The following LRRC75B variants were observed in gnomAD, a reference collection of about 807,000 sequenced individuals.
LRRC75B encodes leucine-rich repeat-containing protein 75B.
Under a neutral mutation model 16.5 loss-of-function variants are expected in LRRC75B, and 20 were observed. That is an observed-to-expected ratio of 1.21 (90% CI 0.85 to 1.76). The LOEUF (loss-of-function observed/expected upper bound fraction) is 1.76. LRRC75B is among the 40% of genes most tolerant of loss of function. The pLI, the probability that LRRC75B is intolerant of heterozygous loss-of-function variation, is 0.00. For missense variants in LRRC75B, 406 were observed against 417.0 expected (o/e 0.97, Z 0.23); for synonymous variants, 199 against 198.1 (o/e 1.00, Z -0.04).
chr22:24,590,821 A>G (rs144607085), intron 1 of LRRC75B, among the ~76,000 whole-genome samples: 3,575 of 152,086 alleles, frequency 0.024, 56 homozygotes, highest in Non-Finnish European at 0.036. Context: ...GGGCACCTCC[A>G]TGACCATCTT....
chr22:24,586,495 C>T lies in LRRC75B; in HGVS notation c.423-84G>A, dbSNP rs2045397565. On this transcript the variant is annotated intron_variant, in intron 3 of 3. Coordinates refer to ENST00000318753, the MANE Select transcript of LRRC75B (RefSeq NM_207644.3). Reference sequence around the variant, plus strand: ...ACAGACAGTGACCTGTCGGGAACAGCCCAGGCCTACAGTCTGGCAAAGCCA... The same window carrying T: ...ACAGACAGTGACCTGTCGGGAACAGTCCAGGCCTACAGTCTGGCAAAGCCA... 8.7e-6 allele frequency: 12 copies of T among 1,385,986 alleles called. No homozygotes were observed. The South Asian group carries it at 1.1e-4, about 12-fold the overall frequency. The allele number at this position is 1,385,986 out of a possible 1,614,324, so 85.9% of individuals were successfully genotyped here.
In LRRC75B at chr22:24,585,873, G is replaced by T. The variant is rs764228617; in HGVS notation, c.*13C>A. The T allele has an allele frequency of 6.4e-7, 1 of 1,565,036 alleles. No individual in the cohort carries two copies. Among genetic ancestry groups the T allele is most frequent in the Non-Finnish European group, 8.6e-7 (1 of 1,157,302 alleles). On this transcript the variant is annotated 3_prime_UTR_variant, in exon 4 of 4. Transcript: ENST00000318753. ...ATCACAAGTCAGTAGCAATGAGCCA[G>T]GTGGGTGGTGGGTCACCTGGCACAG...
chr22:24,588,221 G>T lies in LRRC75B; in HGVS notation c.415C>A (p.Gln139Lys), dbSNP rs200556022. ...TGGCTGGGCTACCCTTACCAGCTCT[G>T]GGTCTTCCTCTGGCGCAGGCTGGAC... is the stretch of plus-strand genomic sequence containing the variant. ...QGSSLRQRKTQSCLKSSLQKT... is the reference protein window; with the variant it reads ...QGSSLRQRKTKSCLKSSLQKT... The change falls in exon 3 of 4, where the codon CAG becomes AAG. Residue 139 changes from glutamine (Q) to lysine (K), a missense_variant. Coordinates refer to ENST00000318753, the MANE Select transcript of LRRC75B (RefSeq NM_207644.3). The T allele has an allele frequency of 6.2e-7, 1 of 1,612,228 alleles. No individual in the cohort carries two copies. The highest frequency in any genetic ancestry group is 2.2e-5 in the East Asian group (1 of 44,870).
intron 1 of LRRC75B, among the ~76,000 whole-genome samples, chr22:24,590,641 C>T (rs1410113739): frequency 1.3e-5 from 2 of 152,252 alleles, no homozygotes; most frequent in East Asian, 3.9e-4. Flanking sequence ...CCCAGTGTTC[C>T]CTTCAGATCC....
At chr22:24,590,435 T>C (rs774652870) in intron 1 of LRRC75B, among the ~76,000 whole-genome samples, 1 of 152,050 alleles carries the variant, frequency 6.6e-6, no homozygotes, top group African/African-American at 2.4e-5. Context: ...TTTGGATAAG[T>C]AGAGGGGAGG....
At chr22:24,587,216 TAG>T (rs886430068) in intron 3 of LRRC75B, among the ~76,000 whole-genome samples, 3 of 152,034 alleles carry the variant, frequency 2.0e-5, no homozygotes, top group Non-Finnish European at 4.4e-5. Context: ...GCACCGGGGA[TAG>T]AGAGGGACAG....
At chr22:24,589,079 G>T in intron 2 of LRRC75B, 1 of 1,068,632 alleles carries the variant, frequency 9.4e-7, no homozygotes. Flanking sequence ...AGTCCTAGGG[G>T]CCGACTGTGC....
chr22:24,587,712 A>G (rs1179525503), intron 3 of LRRC75B, among the ~76,000 whole-genome samples: 1 of 152,218 alleles, frequency 6.6e-6, no homozygotes, highest in Non-Finnish European at 1.5e-5. Context: ...CGGAAGCCTC[A>G]GTTTTAGGCA....
chr22:24,587,560 C>T (rs1438982341), intron 3 of LRRC75B, among the ~76,000 whole-genome samples: 2 of 152,038 alleles, frequency 1.3e-5, no homozygotes, highest in Non-Finnish European at 2.9e-5. Context: ...AGGGTAAGCT[C>T]CCGGCAGCAG....
rs190248870 is a variant in LRRC75B, at chr22:24,589,032, C to T, written c.307-703G>A. On this transcript the variant is annotated intron_variant, in intron 2 of 3. Coordinates refer to ENST00000318753, the MANE Select transcript of LRRC75B (RefSeq NM_207644.3). ...GGCAGCACACACAGCAGCTGCAAGC[C>T]CTGGCTGTTCCTGTGATGGCCGTGG... The T allele has an allele frequency of 5.0e-3, 5,091 of 1,022,092 alleles. 19 individuals are homozygous for T. Among genetic ancestry groups the T allele is most frequent in the Non-Finnish European group, 5.8e-3 (4,908 of 850,208 alleles). 63.3% of individuals were successfully genotyped at this position (1,022,092 alleles called of 1,614,324 possible).
chr22:24,591,187 C>A (rs1178104203), intron 1 of LRRC75B, among the ~76,000 whole-genome samples: 1 of 152,276 alleles, frequency 6.6e-6, no homozygotes, highest in African/African-American at 2.4e-5. Context: ...TCAAGCAATT[C>A]TCCTGCCTCA....
In LRRC75B at chr22:24,585,827, C is replaced by G. The variant is rs764608043; in HGVS notation, c.*59G>C. 329 of 1,447,828 alleles carry G rather than the reference C, an allele frequency of 2.3e-4. No homozygotes were observed. The highest frequency in any genetic ancestry group is 2.9e-4 in the Non-Finnish European group (313 of 1,090,546). 89.7% of individuals were successfully genotyped at this position (1,447,828 alleles called of 1,614,324 possible). ...TGAGTCCTCCTTGACCTTCATCGCC[C>G]ACTATCATGTGCTTGAGAGCATCAC... is the stretch of plus-strand genomic sequence containing the variant. On this transcript the variant is annotated 3_prime_UTR_variant, in exon 4 of 4. Coordinates refer to ENST00000318753, the MANE Select transcript of LRRC75B (RefSeq NM_207644.3).
At chr22:24,592,322 T>TG (rs1468769500) in intron 1 of LRRC75B, 3 of 470,116 alleles carry the variant, frequency 6.4e-6, no homozygotes, top group African/African-American at 2.0e-5. Context: ...GAACTGGTGA[T>TG]GCATGGATGG....
rs1386917271 is a variant in LRRC75B at position 24,592,934 on chromosome 22, G to A, written c.106C>T (p.Arg36Cys). The A allele has an allele frequency of 3.5e-5, 43 of 1,239,240 alleles. No individual in the cohort carries two copies. The highest frequency in any genetic ancestry group is 4.0e-5 in the Non-Finnish European group (40 of 988,890). 76.8% of individuals were successfully genotyped at this position (1,239,240 alleles called of 1,614,324 possible). A position where few individuals can be genotyped will look rare whatever the true frequency, so the allele number is the denominator to read the frequency against. ...TCGCGGAGCGTGGACTGGATCTCGC[G>A]GAGCCACCGCACCCGGCGCTCGTAG... is the stretch of plus-strand genomic sequence containing the variant. ...APYERRVRWL[R>C]EIQSTLRERR... The change falls in exon 1 of 4, where the codon CGC becomes TGC. Residue 36 changes from arginine (R) to cysteine (C), a missense_variant. Transcript: ENST00000318753.
chr22:24,585,860 T>C lies in LRRC75B; in HGVS notation c.*26A>G, dbSNP rs1001009331. The C allele has an allele frequency of 1.3e-6, 2 of 1,541,930 alleles. No individual in the cohort carries two copies. The highest frequency in any genetic ancestry group is 1.7e-6 in the Non-Finnish European group (2 of 1,146,048). ...TGTGCTTGAGAGCATCACAAGTCAG[T>C]AGCAATGAGCCAGGTGGGTGGTGGG... is the stretch of plus-strand genomic sequence containing the variant. On this transcript the variant is annotated 3_prime_UTR_variant, in exon 4 of 4. Transcript: ENST00000318753.
chr22:24,590,438 A>G (rs1047238873), intron 1 of LRRC75B, among the ~76,000 whole-genome samples: 4 of 152,124 alleles, frequency 2.6e-5, no homozygotes, highest in Non-Finnish European at 5.9e-5. Flanking sequence ...GGATAAGTAG[A>G]GGGGAGGGAC....
chr22:24,587,482 C>T (rs1323087827), intron 3 of LRRC75B, among the ~76,000 whole-genome samples: 1 of 152,232 alleles, frequency 6.6e-6, no homozygotes, highest in Admixed American at 6.5e-5. Context: ...CTTGTGGGGT[C>T]CAAGCTCAGC....
Position 24,586,397 on chromosome 22 carries a change from A to C in LRRC75B, c.437T>G (p.Leu146Arg). 6.2e-7 allele frequency: 1 copy of C among 1,612,532 alleles called. No homozygotes were observed. Among genetic ancestry groups the C allele is most frequent in the Non-Finnish European group, 8.5e-7 (1 of 1,179,240 alleles). ...RKTQSCLKSS[L>R]QKTLLAGETV... ...CTCCCCTGCCAGCAGAGTCTTCTGG[A>C]GGCTGCTCTTGAGGCTATGGGAGAG... The change falls in exon 4 of 4, where the codon CTC becomes CGC. Residue 146 changes from leucine to arginine, a missense_variant. Coordinates refer to ENST00000318753, the MANE Select transcript of LRRC75B (RefSeq NM_207644.3).
rs2147146814 is a variant in LRRC75B, at chr22:24,585,988, A to G, written c.846T>C (p.Leu282=). The G allele has an allele frequency of 6.2e-7, 1 of 1,610,744 alleles. No homozygotes were observed. Residue 282 remains leucine, a synonymous_variant, in exon 4 of 4, where the codon CTT becomes CTC. Coordinates refer to ENST00000318753, the MANE Select transcript of LRRC75B (RefSeq NM_207644.3). ...SLPTIYEGLD[L]EPEGSAAGAT... is the part of the protein sequence containing the mutation. ...CCCCGGCCGCACTGCCCTCAGGCTC[A>G]AGGTCCAGGCCCTCGTAGATGGTGG...
Sources: gnomAD v4.1 joint callset for allele counts (sites outside exome capture counted in the v4.1 genomes callset) on GRCh38, gnomAD v4.1.1 for gene constraint, MANE v1.5 for transcripts, NCBI Gene and HGNC (gene_info 2026-07-23, HGNC 2026-07-21) for gene names.